The following ZNF419 variants were observed in gnomAD, a reference collection of about 807,000 sequenced individuals.
The protein encoded by ZNF419 is zinc finger protein 419.
Under a neutral mutation model 14.9 loss-of-function variants are expected in ZNF419, and 8 were observed. That is an observed-to-expected ratio of 0.54 (90% CI 0.32 to 0.97). The LOEUF is 0.97. Ranked by LOEUF, ZNF419 falls within the 50% of genes least tolerant of loss-of-function variation. The pLI is 0.04. For missense variants in ZNF419, 595 were observed against 607.2 expected, an observed-to-expected ratio of 0.98 and a Z score of 0.21; for synonymous variants, 211 against 205.3, an observed-to-expected ratio of 1.03 and a Z score of -0.24.
At chr19:57,491,397 T>C in intron 2 of ZNF419, 74 bp from the exon 3 acceptor site, 5 of 1,591,880 alleles carry the variant, frequency 3.1e-6, no homozygotes, top group Non-Finnish European at 3.4e-6. Flanking sequence ...TGAGCAGGGG[T>C]GGATGTTTAG....
chr19:57,494,891 G>A lies in ZNF419; in HGVS notation c.*801G>A, dbSNP rs998489360. On this transcript the variant is annotated 3_prime_UTR_variant, in exon 5 of 5. Coordinates refer to ENST00000221735, the MANE Select transcript of ZNF419 (RefSeq NM_024691.4). ...TTCACATTACTGACAGTTTATATGT[G>A]TAGAAGTCATAGGCCATTCATTTTA... 1 of 156,446 alleles carries A rather than the reference G, an allele frequency of 6.4e-6. No individual in the cohort carries two copies. Among genetic ancestry groups the A allele is most frequent in the African/African-American group, 2.4e-5 (1 of 41,588 alleles). The allele number at this position is 156,446 out of a possible 1,614,324, so 9.7% of individuals were successfully genotyped here. A position where few individuals can be genotyped will look rare whatever the true frequency, so the allele number is the denominator to read the frequency against.
At position 57,494,120 on chromosome 19, in the gene ZNF419, A is replaced by G. The variant is rs1184806238; in HGVS notation, c.*30A>G. 1.3e-6 allele frequency: 2 copies of G among 1,550,506 alleles called. No individual in the cohort carries two copies. ...GTGAAATCCTTTAGCCAGCGTTTCA[A>G]CCTCATTCAACACCAGAAAGTTCAC... On this transcript the variant is annotated 3_prime_UTR_variant, in exon 5 of 5. Coordinates refer to ENST00000221735, the MANE Select transcript of ZNF419 (RefSeq NM_024691.4).
intron 1 of ZNF419, 72 bp downstream of exon 1, chr19:57,488,055 G>A: frequency 1.3e-6 from 2 of 1,599,306 alleles, no homozygotes; most frequent in Non-Finnish European, 1.7e-6. Context: ...AGGTCCCCGG[G>A]TGCAGAACTG....
At position 57,495,359 on chromosome 19, in the gene ZNF419, A is replaced by G. The variant is rs950578898; in HGVS notation, c.*1269A>G. On this transcript the variant is annotated 3_prime_UTR_variant, in exon 5 of 5. Coordinates refer to ENST00000221735, the MANE Select transcript of ZNF419 (RefSeq NM_024691.4). ...GATTGTCTTAATTTTATGGAGCCCAATTTATCCATTTGTTATTTTATTCAT... is the reference window on the plus strand; with the variant it reads ...GATTGTCTTAATTTTATGGAGCCCAGTTTATCCATTTGTTATTTTATTCAT... 6 of 152,096 alleles carry G rather than the reference A, an allele frequency of 3.9e-5. No homozygotes were observed. The highest frequency in any genetic ancestry group is 1.9e-4 in the East Asian group (1 of 5,184). The allele number at this position is 152,096 out of a possible 1,614,324, so 9.4% of individuals were successfully genotyped here.
In ZNF419 at chr19:57,487,968, G is replaced by C; in HGVS notation, c.18G>C (p.Leu6=). The change falls in exon 1 of 5, where the codon CTG becomes CTC. Residue 6 remains leucine (L), a synonymous_variant. Transcript: ENST00000221735. ...AGGCTCCGATGGCGGCGGCCGCCCTGAGGGACCCCGCTCAGGTGAGCGCCG... is the reference window on the plus strand; with the variant it reads ...AGGCTCCGATGGCGGCGGCCGCCCTCAGGGACCCCGCTCAGGTGAGCGCCG... MAAAA[L]RDPAQVPVAA... 1 of 1,613,770 alleles carries C rather than the reference G, an allele frequency of 6.2e-7. No homozygotes were observed. Among genetic ancestry groups the C allele is most frequent in the Non-Finnish European group, 8.5e-7 (1 of 1,179,926 alleles).
chr19:57,490,863 A>G (rs547463637), intron 2 of ZNF419: 1 of 159,852 alleles, frequency 6.3e-6, no homozygotes, highest in African/African-American at 2.4e-5. Context: ...AGGTGTCCTG[A>G]TATGTGTGCA....
In ZNF419 at chr19:57,493,244, G is replaced by A; in HGVS notation, c.687G>A (p.Lys229=). 1 of 1,614,238 alleles carries A rather than the reference G, an allele frequency of 6.2e-7. No individual in the cohort carries two copies. The highest frequency in any genetic ancestry group is 1.1e-5 in the South Asian group (1 of 91,082). The part of the protein sequence containing the change: ...VQHQRLHAGK[K]TYECSECGKL... ...ACCAGAGACTACATGCTGGGAAAAA[G>A]ACGTATGAATGCAGTGAATGTGGGA... The change falls in exon 5 of 5, where the codon AAG becomes AAA. Residue 229 remains lysine (K), a synonymous_variant. Transcript: ENST00000221735.
rs2089588208 is a variant in ZNF419 at position 57,494,712 on chromosome 19, C to T, written c.*622C>T. On this transcript the variant is annotated 3_prime_UTR_variant, in exon 5 of 5. Transcript: ENST00000221735. ...GACTGAATTGTGTTTTTATAATTTT[C>T]ACCCTTTTGGCTGTGTAACAGGTCT... is the stretch of plus-strand genomic sequence containing the variant. 1 of 177,150 alleles carries T rather than the reference C, an allele frequency of 5.6e-6. No individual in the cohort carries two copies. Among genetic ancestry groups the T allele is most frequent in the Admixed American group, 6.3e-5 (1 of 15,876 alleles). The allele number at this position is 177,150 out of a possible 1,614,324, so 11.0% of individuals were successfully genotyped here.
rs2089595591 is a variant in ZNF419 at position 57,495,354 on chromosome 19, G to A, written c.*1264G>A. 1 of 152,038 alleles carries A rather than the reference G, an allele frequency of 6.6e-6. No homozygotes were observed. The highest frequency in any genetic ancestry group is 6.6e-5 in the Admixed American group (1 of 15,260). 9.4% of individuals were successfully genotyped at this position (152,038 alleles called of 1,614,324 possible). A position where few individuals can be genotyped will look rare whatever the true frequency, so the allele number is the denominator to read the frequency against. On this transcript the variant is annotated 3_prime_UTR_variant, in exon 5 of 5. Transcript: ENST00000221735. ...GAGCAGATTGTCTTAATTTTATGGAGCCCAATTTATCCATTTGTTATTTTA... is the reference window on the plus strand; with the variant it reads ...GAGCAGATTGTCTTAATTTTATGGAACCCAATTTATCCATTTGTTATTTTA...
intron 4 of ZNF419, chr19:57,492,643 T>G: frequency 1.3e-6 from 1 of 777,410 alleles, no homozygotes; most frequent in South Asian, 1.4e-5. Flanking sequence ...TACCCCATCC[T>G]TGCATCCTTG....
chr19:57,488,866 G>A (rs1283266683), intron 1 of ZNF419: 1 of 152,460 alleles, frequency 6.6e-6, no homozygotes, highest in Non-Finnish European at 1.5e-5. Context: ...AGATGGCCCT[G>A]TAGGACGGGG....
Position 57,494,553 on chromosome 19 carries a change from C to T in ZNF419, c.*463C>T, listed in dbSNP as rs567644557. Reference sequence around the variant, plus strand: ...TGTACCCGTCGAATGGAGTTTTGATCTCGCTGAGTTTGGAGTTGGGGGAGG... The same window carrying T: ...TGTACCCGTCGAATGGAGTTTTGATTTCGCTGAGTTTGGAGTTGGGGGAGG... On this transcript the variant is annotated 3_prime_UTR_variant, in exon 5 of 5. Coordinates refer to ENST00000221735, the MANE Select transcript of ZNF419 (RefSeq NM_024691.4). 6.0e-6 allele frequency: 1 copy of T among 167,754 alleles called. No individual in the cohort carries two copies. Among genetic ancestry groups the T allele is most frequent in the South Asian group, 1.9e-4 (1 of 5,194 alleles). 10.4% of individuals were successfully genotyped at this position (167,754 alleles called of 1,614,324 possible).
chr19:57,488,923 G>A (rs2089420081), intron 1 of ZNF419: 1 of 152,572 alleles, frequency 6.6e-6, no homozygotes, highest in Admixed American at 6.5e-5. Flanking sequence ...GTTCTGTCTG[G>A]TGTCTGCCGG....
In ZNF419 at chr19:57,490,164, C is replaced by A; in HGVS notation, c.51C>A (p.Asp17Glu). Residue 17 changes from aspartate to glutamate, a missense_variant, in exon 2 of 5, where the codon GAC becomes GAA. By Grantham distance (45) the Asp-to-Glu change is conservative. Coordinates refer to ENST00000221735, the MANE Select transcript of ZNF419 (RefSeq NM_024691.4). ...RDPAQVPVAA[D>E]LLTDHEEGYV... ...TTCCATAGGTTCCTGTGGCTGCAGA[C>A]TTGCTTACAGACCATGAGGAGGTAA... is the stretch of plus-strand genomic sequence containing the variant. 6.2e-7 allele frequency: 1 copy of A among 1,613,586 alleles called. No homozygotes were observed. Among genetic ancestry groups the A allele is most frequent in the Non-Finnish European group, 8.5e-7 (1 of 1,179,794 alleles).
chr19:57,491,401 T>C, intron 2 of ZNF419, 70 bp from the exon 3 acceptor site: 1 of 1,595,584 alleles, frequency 6.3e-7, no homozygotes. Flanking sequence ...CAGGGGTGGA[T>C]GTTTAGGCAG....
rs768241137 is a variant in ZNF419, at chr19:57,487,972, G to T, written c.22G>T (p.Asp8Tyr). The T allele has an allele frequency of 2.5e-6, 4 of 1,613,736 alleles. No individual in the cohort carries two copies. The South Asian group carries it at 3.3e-5, about 13-fold the overall frequency. ...TCCGATGGCGGCGGCCGCCCTGAGGGACCCCGCTCAGGTGAGCGCCGCGTC... is the reference window on the plus strand; with the variant it reads ...TCCGATGGCGGCGGCCGCCCTGAGGTACCCCGCTCAGGTGAGCGCCGCGTC... MAAAALR[D>Y]PAQVPVAADL... The change falls in exon 1 of 5, where the codon GAC becomes TAC. Residue 8 changes from aspartate (D) to tyrosine (Y), a missense_variant. By Grantham distance (160) the Asp-to-Tyr change is radical. Transcript: ENST00000221735.
Position 57,492,223 on chromosome 19 carries a change from G to T in ZNF419, c.298+12G>T, listed in dbSNP as rs1414460432. 8 of 1,613,872 alleles carry T rather than the reference G, an allele frequency of 5.0e-6. No homozygotes were observed. In the Admixed American group the frequency reaches 1.0e-4, roughly 20 times the overall value. ...AGCCATACCGAGAGGTAGTTGGTGG[G>T]TGGAGCTCAGGGAGGTGTGAACTCA... On this transcript the variant is annotated intron_variant, in intron 4 of 4. Coordinates refer to ENST00000221735, the MANE Select transcript of ZNF419 (RefSeq NM_024691.4).
Position 57,491,526 on chromosome 19 carries a change from T to C in ZNF419, c.128T>C (p.Leu43Ser), listed in dbSNP as rs372960635. The C allele has an allele frequency of 8.1e-6, 13 of 1,613,964 alleles. No individual in the cohort carries two copies. In the African/African-American group the frequency reaches 1.6e-4, roughly 20 times the overall value. Residue 43 changes from leucine to serine, a missense_variant, in exon 3 of 5, where the codon TTG (leucine) becomes TCG (serine). By Grantham distance (145) the Leu-to-Ser change is moderately radical. Transcript: ENST00000221735. ...AVYFSQEEWR[L>S]LDDAQRLLYR... ...TACTTCTCCCAGGAGGAATGGAGATTGCTTGATGACGCTCAGAGGCTCCTC... is the reference window on the plus strand; with the variant it reads ...TACTTCTCCCAGGAGGAATGGAGATCGCTTGATGACGCTCAGAGGCTCCTC...
rs750931348 is a variant in ZNF419 at position 57,493,704 on chromosome 19, T to A, written c.1147T>A (p.Cys383Ser). 25 of 1,611,982 alleles carry A rather than the reference T, an allele frequency of 1.6e-5. No individual in the cohort carries two copies. The highest frequency in any genetic ancestry group is 2.2e-5 in the East Asian group (1 of 44,672). ...CGACTGTGGGAAATTTTTTACCCAA[T>A]GCTCAAGCCTCATGCAACATCAAAA... ...CSDCGKFFTQ[C>S]SSLMQHQKVH... The change falls in exon 5 of 5, where the codon TGC becomes AGC. Residue 383 changes from cysteine (C) to serine (S), a missense_variant. By Grantham distance (112) the Cys-to-Ser change is moderately radical. Coordinates refer to ENST00000221735, the MANE Select transcript of ZNF419 (RefSeq NM_024691.4).
Sources: allele counts gnomAD v4.1 joint callset, GRCh38; gene constraint gnomAD v4.1.1; transcripts MANE v1.5; gene names NCBI Gene and HGNC (gene_info 2026-07-23, HGNC 2026-07-21).